DAB2IP: variants seen among roughly 807,000 people sequenced by gnomAD.
DAB2IP encodes disabled homolog 2-interacting protein.
Under a neutral mutation model 107.2 loss-of-function variants are expected in DAB2IP, and 28 were observed. That is an observed-to-expected ratio of 0.26 (90% CI 0.19 to 0.36). The LOEUF (loss-of-function observed/expected upper bound fraction) is 0.36. Ranked by LOEUF, DAB2IP falls within the 10% of genes least tolerant of loss-of-function variation. The probability of loss-of-function intolerance (pLI) is 1.00; values close to 1 mark genes in which losing one functional copy is unlikely to be tolerated. For synonymous variants in DAB2IP, 755 were observed against 706.4 expected, an observed-to-expected ratio of 1.07 and a Z score of -1.09; for missense variants, 1,400 against 1,644.7, an observed-to-expected ratio of 0.85 and a Z score of 2.57.
intron 1 of DAB2IP, among the ~76,000 whole-genome samples, chr9:121,664,207 G>A (rs1417912621): frequency 6.6e-6 from 1 of 152,134 alleles, no homozygotes; most frequent in African/African-American, 2.4e-5. Flanking sequence ...GTATGTATGG[G>A]TCTATTTCTA....
intron 3 of DAB2IP, among the ~76,000 whole-genome samples, chr9:121,747,343 CTT>C (rs10626616): frequency 7.6e-5 from 10 of 131,022 alleles, no homozygotes; most frequent in Non-Finnish European, 7.9e-5. Flanking sequence ...TCCTTAGATG[CTT>C]TTTTTTTTTT....
In DAB2IP at chr9:121,753,722, G is replaced by A. The variant is rs551074295; in HGVS notation, c.363-3291G>A. Among the ~76,000 whole-genome samples the A allele has an allele frequency of 2.0e-5, 3 of 152,328 alleles. No individual in the cohort carries two copies. The South Asian group carries it at 6.2e-4, about 32-fold the overall frequency. ...GGGATGTGCAAGTGACCAGCTGGGC[G>A]CTCACCTTGTGCTGACTAGAGGTGG... On this transcript the variant is annotated intron_variant, in intron 3 of 15. Coordinates refer to ENST00000408936, the Ensembl canonical transcript of DAB2IP.
At chr9:121,625,278 C>T (rs1238122747) in intron 1 of DAB2IP, among the ~76,000 whole-genome samples, 8 of 137,012 alleles carry the variant, frequency 5.8e-5, no homozygotes, top group South Asian at 2.3e-4. Flanking sequence ...TCACTCTTGT[C>T]GCCCAGGCTG....
At chr9:121,681,835 T>C (rs1441259816) in intron 2 of DAB2IP, among the ~76,000 whole-genome samples, 1 of 152,176 alleles carries the variant, frequency 6.6e-6, no homozygotes, top group African/African-American at 2.4e-5. Context: ...GTGATTTCAG[T>C]AGCCACTGAG....
intron 1 of DAB2IP, among the ~76,000 whole-genome samples, chr9:121,588,549 G>T (rs1830354204): frequency 7.6e-6 from 1 of 131,556 alleles, no homozygotes; most frequent in African/African-American, 2.8e-5. Context: ...GAAAGGGGAA[G>T]GGTGAAGGGG....
At chr9:121,743,252 G>A (rs564530575) in intron 3 of DAB2IP, among the ~76,000 whole-genome samples, 2 of 152,200 alleles carry the variant, frequency 1.3e-5, no homozygotes, top group Non-Finnish European at 2.9e-5. Context: ...CCAGCACATA[G>A]TGCCCAAAGA....
chr9:121,584,833 T>A (rs1307596664), intron 1 of DAB2IP, among the ~76,000 whole-genome samples: 2 of 152,228 alleles, frequency 1.3e-5, no homozygotes, highest in Non-Finnish European at 2.9e-5. Context: ...GCCAAAGCCA[T>A]TCAAAACCAT....
intron 3 of DAB2IP, among the ~76,000 whole-genome samples, chr9:121,716,304 A>C (rs1006972242): frequency 2.6e-5 from 4 of 152,228 alleles, no homozygotes; most frequent in Admixed American, 2.6e-4. Flanking sequence ...GGCCACATGT[A>C]AGGCAGAGCC....
At chr9:121,573,940 G>A (rs759594262) in intron 1 of DAB2IP, among the ~76,000 whole-genome samples, 4 of 152,082 alleles carry the variant, frequency 2.6e-5, no homozygotes, top group Non-Finnish European at 4.4e-5. Flanking sequence ...CCCGGGGAGC[G>A]TTCACTGAAG....
chr9:121,601,638 A>C (rs950601813), intron 1 of DAB2IP, among the ~76,000 whole-genome samples: 1 of 152,264 alleles, frequency 6.6e-6, no homozygotes, highest in East Asian at 1.9e-4. Context: ...TTGAGTGTTT[A>C]TTATATGCCA....
chr9:121,741,601 T>A (rs968288939), intron 3 of DAB2IP, among the ~76,000 whole-genome samples: 1 of 151,980 alleles, frequency 6.6e-6, no homozygotes, highest in African/African-American at 2.4e-5. Context: ...CTTGTCTCCT[T>A]ATGGGACGGA....
At chr9:121,766,167 C>G (rs1282827495) in intron 8 of DAB2IP, among the ~76,000 whole-genome samples, 4 of 152,220 alleles carry the variant, frequency 2.6e-5, no homozygotes, top group African/African-American at 4.8e-5. Flanking sequence ...TGGTTCAGCA[C>G]TGGCCCTTGG....
At chr9:121,750,326 CGCGCGTGT>C (rs1564198716) in intron 3 of DAB2IP, among the ~76,000 whole-genome samples, 1 of 151,888 alleles carries the variant, frequency 6.6e-6, no homozygotes. Flanking sequence ...TGTGTGCGCG[CGCGCGTGT>C]GTGTGTGTGT....
intron 14 of DAB2IP, among the ~76,000 whole-genome samples, chr9:121,778,954 T>A (rs1208089681): frequency 6.6e-6 from 1 of 152,214 alleles, no homozygotes; most frequent in East Asian, 1.9e-4. Context: ...TTCTTGGGTC[T>A]TGGATTTGTA....
intron 8 of DAB2IP, 49 bp from the exon 9 acceptor site, chr9:121,766,445 C>A: frequency 6.4e-7 from 1 of 1,555,110 alleles, no homozygotes; most frequent in Non-Finnish European, 8.7e-7. Context: ...CACTCCTGTC[C>A]TGGGCCCCTG....
At chr9:121,659,095 G>A (rs1833089280) in intron 1 of DAB2IP, among the ~76,000 whole-genome samples, 1 of 152,230 alleles carries the variant, frequency 6.6e-6, no homozygotes, top group African/African-American at 2.4e-5. Flanking sequence ...AGATGTTGGG[G>A]CCATGAGGCT....
At chr9:121,718,908 C>T (rs1051590203) in intron 3 of DAB2IP, among the ~76,000 whole-genome samples, 5 of 152,308 alleles carry the variant, frequency 3.3e-5, no homozygotes, top group African/African-American at 9.6e-5. Context: ...CAGTCCTAGG[C>T]GGACTTCAAG....
chr9:121,691,057 GC>G (rs1298020610), intron 2 of DAB2IP, among the ~76,000 whole-genome samples: 1 of 152,218 alleles, frequency 6.6e-6, no homozygotes, highest in Non-Finnish European at 1.5e-5. Context: ...CAGCAAGTCT[GC>G]CCAGATTGCT....
At chr9:121,675,322 C>T (rs35661033) in intron 1 of DAB2IP, among the ~76,000 whole-genome samples, 35,794 of 151,960 alleles carry the variant, frequency 0.24, 4,285 homozygotes, top group African/African-American at 0.25. Flanking sequence ...ATTCCTGCAT[C>T]GTGGCAGGTA....
Sources: gnomAD v4.1 joint callset for allele counts (sites outside exome capture counted in the v4.1 genomes callset) on GRCh38, gnomAD v4.1.1 for gene constraint, MANE v1.5 for transcripts, NCBI Gene and HGNC (gene_info 2026-07-23, HGNC 2026-07-21) for gene names.